MIPEP: variants seen among roughly 807,000 people sequenced by gnomAD.
The protein encoded by MIPEP is mitochondrial intermediate peptidase.
Under a neutral mutation model 90.3 loss-of-function variants are expected in MIPEP, and 79 were observed. That is an observed-to-expected ratio of 0.87 (90% CI 0.73 to 1.05). MIPEP has a LOEUF of 1.05. Ranked by LOEUF, MIPEP falls within the 50% of genes least tolerant of loss-of-function variation. MIPEP has a pLI of 0.00. For synonymous variants in MIPEP, 334 were observed against 315.8 expected (o/e 1.06, Z -0.61); for missense variants, 940 against 905.6 (o/e 1.04, Z -0.49).
In MIPEP at chr13:23,837,200, T is replaced by C. The variant is rs553823359; in HGVS notation, c.1543+352A>G. On this transcript the variant is annotated intron_variant, in intron 13 of 18. Coordinates refer to ENST00000382172, the MANE Select transcript of MIPEP (RefSeq NM_005932.4). ...TGATTTTGAATATAAAGAGAGACCA[T>C]TCATTCACTTACTTATTAACTCTGT... Among the ~76,000 whole-genome samples the C allele has an allele frequency of 1.2e-4, 18 of 152,344 alleles. 1 individual carries two copies. The East Asian group carries it at 1.3e-3, about 11-fold the overall frequency.
At chr13:23,779,271 T>C (rs1350881682) in intron 16 of MIPEP, among the ~76,000 whole-genome samples, 1 of 152,178 alleles carries the variant, frequency 6.6e-6, no homozygotes, top group South Asian at 2.1e-4. Context: ...GAGTGATGTG[T>C]ATGTAGAAAA....
chr13:23,826,021 A>G (rs1225768326), intron 14 of MIPEP, among the ~76,000 whole-genome samples: 3 of 152,156 alleles, frequency 2.0e-5, no homozygotes, highest in African/African-American at 4.8e-5. Context: ...TCAATTGGCT[A>G]TATTTGGTGA....
chr13:23,776,088 AC>A lies in MIPEP; in HGVS notation c.1849-15872del, dbSNP rs999223758. Among the ~76,000 whole-genome samples, 23 of 151,840 alleles carry A rather than the reference AC, an allele frequency of 1.5e-4. 1 individual carries two copies. The East Asian group carries it at 4.3e-3, about 28-fold the overall frequency. On this transcript the variant is annotated intron_variant, in intron 16 of 18. Coordinates refer to ENST00000382172, the MANE Select transcript of MIPEP (RefSeq NM_005932.4). The stretch of plus-strand genomic sequence containing the variant: ...TTTTCTCCCTGCCTTCAATCTCTGT[AC>A]CCCCCATCTATCACCCATACTGAAA...
intron 15 of MIPEP, among the ~76,000 whole-genome samples, chr13:23,807,849 G>A (rs996980152): frequency 6.6e-6 from 1 of 152,188 alleles, no homozygotes. Context: ...TAAACATGGG[G>A]TAACTTTTTT....
chr13:23,800,203 G>A (rs1201765543), intron 16 of MIPEP, among the ~76,000 whole-genome samples: 1 of 152,176 alleles, frequency 6.6e-6, no homozygotes, highest in Non-Finnish European at 1.5e-5. Context: ...CATTAGAACA[G>A]AGTCAGAGGA....
At chr13:23,790,664 G>A (rs899128177) in intron 16 of MIPEP, among the ~76,000 whole-genome samples, 8 of 152,190 alleles carry the variant, frequency 5.3e-5, no homozygotes, top group Admixed American at 1.3e-4. Context: ...TCTGCCTCAT[G>A]GAGTGGGGAG....
chr13:23,862,301 C>T lies in MIPEP; in HGVS notation c.1053+1G>A, dbSNP rs368537909. 22 of 1,529,638 alleles carry T rather than the reference C, an allele frequency of 1.4e-5. No homozygotes were observed. Among genetic ancestry groups the T allele is most frequent in the Middle Eastern group, 1.7e-4 (1 of 5,742 alleles). The allele number at this position is 1,529,638 out of a possible 1,614,324, so 94.8% of individuals were successfully genotyped here. A position where few individuals can be genotyped will look rare whatever the true frequency, so the allele number is the denominator to read the frequency against. ...TAATAAAAATATTCCAACATACTTA[C>T]GGAATTTTGAGGATTCAGTTTCATT... On this transcript the variant is annotated splice_donor_variant, in intron 9 of 18. Transcript: ENST00000382172. LOFTEE classifies it high-confidence loss of function.
intron 14 of MIPEP, among the ~76,000 whole-genome samples, chr13:23,829,355 A>G (rs1174449946): frequency 6.6e-6 from 1 of 152,158 alleles, no homozygotes; most frequent in Admixed American, 6.5e-5. Context: ...TCTCTATAAA[A>G]AATATAAAAA....
chr13:23,869,526 C>T lies in MIPEP; in HGVS notation c.787-78G>A, dbSNP rs1870690220. ...TGCAACAATAACACAGGCTCATGCT[C>T]ACCACTTGATCTGCAGATGATCACT... On this transcript the variant is annotated intron_variant, in intron 6 of 18. Transcript: ENST00000382172. The T allele has an allele frequency of 3.9e-6, 5 of 1,292,124 alleles. 1 individual carries two copies. In the African/African-American group the frequency reaches 7.5e-5, roughly 19 times the overall value. 80.0% of individuals were successfully genotyped at this position (1,292,124 alleles called of 1,614,324 possible). A position where few individuals can be genotyped will look rare whatever the true frequency, so the allele number is the denominator to read the frequency against.
chr13:23,840,387 C>G (rs1444960239), intron 11 of MIPEP, among the ~76,000 whole-genome samples: 5 of 152,236 alleles, frequency 3.3e-5, no homozygotes, highest in Admixed American at 3.3e-4. Context: ...ACTGAGGATA[C>G]AGAAGTGAAT....
At chr13:23,738,980 TG>T (rs1952295102) in intron 18 of MIPEP, among the ~76,000 whole-genome samples, 1 of 152,236 alleles carries the variant, frequency 6.6e-6, no homozygotes. Flanking sequence ...TGCGGAAACC[TG>T]TTAAGCCTGA....
intron 9 of MIPEP, among the ~76,000 whole-genome samples, chr13:23,860,274 CA>C (rs1416827728): frequency 3.9e-5 from 6 of 152,194 alleles, no homozygotes; most frequent in Non-Finnish European, 2.9e-5. Flanking sequence ...GCAGTTAATC[CA>C]GATGAGAAAG....
Position 23,841,234 on chromosome 13 carries a change from CA to C in MIPEP, c.1260+100del. The C allele has an allele frequency of 2.9e-6, 3 of 1,036,766 alleles. No homozygotes were observed. The East Asian group carries it at 7.6e-5, about 26-fold the overall frequency. The allele number at this position is 1,036,766 out of a possible 1,614,324, so 64.2% of individuals were successfully genotyped here. A position where few individuals can be genotyped will look rare whatever the true frequency, so the allele number is the denominator to read the frequency against. ...GCAGAAATAAGGCAGGGGACACACT[CA>C]GTCAGGGCAAAGTTGATGTAAACCT... On this transcript the variant is annotated intron_variant, in intron 11 of 18. Coordinates refer to ENST00000382172, the MANE Select transcript of MIPEP (RefSeq NM_005932.4).
chr13:23,869,467 T>C lies in MIPEP; in HGVS notation c.787-19A>G, dbSNP rs1173807325. The C allele has an allele frequency of 5.7e-6, 9 of 1,587,864 alleles. No individual in the cohort carries two copies. Among genetic ancestry groups the C allele is most frequent in the Non-Finnish European group, 5.1e-6 (6 of 1,169,504 alleles). On this transcript the variant is annotated intron_variant, in intron 6 of 18. Coordinates refer to ENST00000382172, the MANE Select transcript of MIPEP (RefSeq NM_005932.4). ...CTCGCACCTACGTTTAAAAAGTAAA[T>C]GGTGAAGGCTATAAATATCATCACA... is the stretch of plus-strand genomic sequence containing the variant.
chr13:23,886,199 C>A (rs1871472665), intron 2 of MIPEP, 134 bp downstream of exon 2: 3 of 597,636 alleles, frequency 5.0e-6, no homozygotes, highest in African/African-American at 1.9e-5. Flanking sequence ...AAAAATTATA[C>A]CCAATGGATC....
In MIPEP at chr13:23,869,382, A is replaced by G. The variant is rs145852553; in HGVS notation, c.853T>C (p.Leu285=). 3.7e-6 allele frequency: 6 copies of G among 1,613,606 alleles called. No individual in the cohort carries two copies. Among genetic ancestry groups the G allele is most frequent in the East Asian group, 4.5e-5 (2 of 44,870 alleles). Residue 285 remains leucine, a synonymous_variant, in exon 7 of 19, where the codon TTG becomes CTG. Coordinates refer to ENST00000382172, the MANE Select transcript of MIPEP (RefSeq NM_005932.4). ...GCCAGAAGATCTCTGCTGCTGAGCA[A>G]TTCTTCTAAACATTTCAATTGACCA... ...NAGQLKCLEE[L]LSSRDLLAKL... is the part of the protein sequence containing the mutation.
At chr13:23,850,907 C>A (rs1243661119) in intron 10 of MIPEP, among the ~76,000 whole-genome samples, 4 of 152,212 alleles carry the variant, frequency 2.6e-5, no homozygotes, top group African/African-American at 9.7e-5. Flanking sequence ...AGAGAGGATC[C>A]AGGTTAGCCC....
At chr13:23,854,047 C>T (rs1183149084) in intron 10 of MIPEP, among the ~76,000 whole-genome samples, 16 of 151,750 alleles carry the variant, frequency 1.1e-4, no homozygotes, top group Non-Finnish European at 5.9e-5. Context: ...GGTAATTGGC[C>T]AGGCGCGGTG....
At chr13:23,747,467 C>T (rs1352222141) in intron 18 of MIPEP, 8 of 467,196 alleles carry the variant, frequency 1.7e-5, no homozygotes, top group Non-Finnish European at 3.0e-5. Flanking sequence ...AGTCAGTACT[C>T]GTCCAGTGGG....
Sources: gnomAD v4.1 joint callset for allele counts (sites outside exome capture counted in the v4.1 genomes callset) on GRCh38, gnomAD v4.1.1 for gene constraint, MANE v1.5 for transcripts, NCBI Gene and HGNC (gene_info 2026-07-23, HGNC 2026-07-21) for gene names.